The following ACADSB variants were observed in gnomAD, a reference collection of about 807,000 sequenced individuals.
ACADSB encodes acyl-CoA dehydrogenase short/branched chain.
A neutral mutation model predicts 54.1 loss-of-function variants in ACADSB; 40 were observed. That is an observed-to-expected ratio of 0.74 (90% confidence interval 0.57 to 0.96). The LOEUF is 0.96. Among genes scored for constraint, ACADSB ranks in the 40% least tolerant of loss-of-function variants. The pLI, the probability that ACADSB is intolerant of heterozygous loss-of-function variation, is 0.00. For synonymous variants in ACADSB, 182 were observed against 182.8 expected (o/e 1.00, Z 0.03); for missense variants, 530 against 510.4 (o/e 1.04, Z -0.37).
chr10:123,025,434 A>C (rs373257026), intron 1 of ACADSB, among the ~76,000 whole-genome samples: 26 of 152,054 alleles, frequency 1.7e-4, no homozygotes, highest in African/African-American at 6.0e-4. Flanking sequence ...ACTGCACTCC[A>C]GCCTGGGTGA....
rs556510972 is a variant in ACADSB at position 123,018,760 on chromosome 10, G to A, written c.42+9689G>A. ...GAGGAGCAAAGGCACGTCTTACATA[G>A]CAGCAGGCAAGAGAGAAGTGCAGGG... On this transcript the variant is annotated intron_variant, in intron 1 of 10. Coordinates refer to ENST00000358776, the MANE Select transcript of ACADSB (RefSeq NM_001609.4). Among the ~76,000 whole-genome samples the A allele has an allele frequency of 3.3e-5, 5 of 152,302 alleles. No homozygotes were observed. The South Asian group carries it at 1.0e-3, about 32-fold the overall frequency.
In ACADSB at chr10:123,057,458, A is replaced by G. The variant is rs1033494508; in HGVS notation, c.*3693A>G. 3 of 152,200 alleles carry G rather than the reference A, an allele frequency of 2.0e-5. No homozygotes were observed. Among genetic ancestry groups the G allele is most frequent in the African/African-American group, 7.2e-5 (3 of 41,444 alleles). 9.4% of individuals were successfully genotyped at this position (152,200 alleles called of 1,614,324 possible). On this transcript the variant is annotated 3_prime_UTR_variant, in exon 11 of 11. Coordinates refer to ENST00000358776, the MANE Select transcript of ACADSB (RefSeq NM_001609.4). ...TTCCTTTATAGCTTTTCTTCTGATA[A>G]CCATGACTTCAGGAGCTTTAAAACT...
rs1461383285 is a variant in ACADSB, at chr10:123,027,715, G to T, written c.43-6641G>T. 1.4e-5 allele frequency: 4 copies of T among 288,882 alleles called. No homozygotes were observed. The Admixed American group carries it at 1.7e-4, about 13-fold the overall frequency. 17.9% of individuals were successfully genotyped at this position (288,882 alleles called of 1,614,324 possible). A position where few individuals can be genotyped will look rare whatever the true frequency, so the allele number is the denominator to read the frequency against. On this transcript the variant is annotated intron_variant, in intron 1 of 10. Transcript: ENST00000358776. ...TGTTCCCATACAACGGGTGTGTATGGCCCCTTGGCAGATATCAATCCAGTG... is the reference window on the plus strand; with the variant it reads ...TGTTCCCATACAACGGGTGTGTATGTCCCCTTGGCAGATATCAATCCAGTG...
At chr10:123,024,337 G>T (rs932896622) in intron 1 of ACADSB, among the ~76,000 whole-genome samples, 5 of 152,218 alleles carry the variant, frequency 3.3e-5, no homozygotes, top group Non-Finnish European at 1.5e-5. Context: ...GACCATAGCC[G>T]GAAATGATAG....
rs148628913 is a variant in ACADSB, at chr10:123,027,383, G to A, written c.43-6973G>A. On this transcript the variant is annotated intron_variant, in intron 1 of 10. Coordinates refer to ENST00000358776, the MANE Select transcript of ACADSB (RefSeq NM_001609.4). ...TTGAATTGTATCTGCTAGAATTCTC[G>A]CATGTTGTGGGAGGGACACAGGGAA... Among the ~76,000 whole-genome samples the A allele has an allele frequency of 2.9e-3, 434 of 152,268 alleles. 1 individual carries two copies. Among genetic ancestry groups the A allele is most frequent in the African/African-American group, 0.01 (418 of 41,536 alleles).
At chr10:123,025,974 T>C (rs768240935) in intron 1 of ACADSB, among the ~76,000 whole-genome samples, 1 of 151,982 alleles carries the variant, frequency 6.6e-6, no homozygotes, top group East Asian at 1.9e-4. Flanking sequence ...ATCAGGAGAA[T>C]TGCTTGAACC....
chr10:123,031,545 G>C (rs556996498), intron 1 of ACADSB, among the ~76,000 whole-genome samples: 1 of 152,256 alleles, frequency 6.6e-6, no homozygotes, highest in African/African-American at 2.4e-5. Context: ...TGAAGGGCAG[G>C]GGACATTAGA....
In ACADSB at chr10:123,052,204, G is replaced by A. The variant is rs1017814810; in HGVS notation, c.1129-857G>A. Among the ~76,000 whole-genome samples the A allele has an allele frequency of 6.6e-6, 1 of 152,274 alleles. No individual in the cohort carries two copies. Among genetic ancestry groups the A allele is most frequent in the South Asian group, 2.1e-4 (1 of 4,828 alleles). ...CAAAAAGTCGGGGACCTAAAACAAC[G>A]CAGTTTCATTTTCTGTCACTTCTAG... On this transcript the variant is annotated intron_variant, in intron 9 of 10. Coordinates refer to ENST00000358776, the MANE Select transcript of ACADSB (RefSeq NM_001609.4). This position sits in a 1 kb window ranked among gnomAD's most constrained non-coding sequence, Gnocchi z 4.2.
At chr10:123,035,125 T>C (rs1564750233) in intron 2 of ACADSB, among the ~76,000 whole-genome samples, 1 of 152,016 alleles carries the variant, frequency 6.6e-6, no homozygotes, top group African/African-American at 2.4e-5. Context: ...AGTTTTTTTG[T>C]ATTTTGTTTT....
At chr10:123,026,186 C>T (rs1490178661) in intron 1 of ACADSB, among the ~76,000 whole-genome samples, 1 of 152,176 alleles carries the variant, frequency 6.6e-6, no homozygotes, top group East Asian at 1.9e-4. Context: ...CTCTGAAAAA[C>T]AGAACTAATA....
At chr10:123,045,957 A>C (rs1850556422) in intron 7 of ACADSB, among the ~76,000 whole-genome samples, 1 of 152,238 alleles carries the variant, frequency 6.6e-6, no homozygotes, top group Non-Finnish European at 1.5e-5. Context: ...CTGTCCTCGA[A>C]ACCTTGCAGG....
chr10:123,051,063 A>G lies in ACADSB; in HGVS notation c.1005A>G (p.Gln335=), dbSNP rs761554120. The G allele has an allele frequency of 6.2e-7, 1 of 1,612,412 alleles. No homozygotes were observed. Residue 335 remains glutamine, a synonymous_variant, in exon 9 of 11, where the codon CAA becomes CAG. Coordinates refer to ENST00000358776, the MANE Select transcript of ACADSB (RefSeq NM_001609.4). ...RLFDFQGLQH[Q]VAHVATQLEA... Reference sequence around the variant, plus strand: ...GACTGTTACAGGGCCTCCAACACCAAGTGGCTCACGTGGCCACCCAGCTGG... The same window carrying G: ...GACTGTTACAGGGCCTCCAACACCAGGTGGCTCACGTGGCCACCCAGCTGG...
At chr10:123,042,105 A>G (rs982944152) in intron 5 of ACADSB, among the ~76,000 whole-genome samples, 1 of 151,740 alleles carries the variant, frequency 6.6e-6, no homozygotes. Context: ...ATATGAGACT[A>G]CAGGTGTGCA....
intron 1 of ACADSB, among the ~76,000 whole-genome samples, chr10:123,023,154 CA>C (rs1426774312): frequency 2.0e-5 from 3 of 152,168 alleles, no homozygotes; most frequent in African/African-American, 4.8e-5. Context: ...AACAAACAAA[CA>C]AAAAGGCATG....
Position 123,051,072 on chromosome 10 carries a change from C to G in ACADSB, c.1014C>G (p.His338Gln), listed in dbSNP as rs57339164. The G allele has an allele frequency of 2.4e-5, 39 of 1,611,912 alleles. No individual in the cohort carries two copies. Among genetic ancestry groups the G allele is most frequent in the Non-Finnish European group, 3.1e-5 (36 of 1,179,764 alleles). ...AGGGCCTCCAACACCAAGTGGCTCA[C>G]GTGGCCACCCAGCTGGAAGCTGCAA... is the stretch of plus-strand genomic sequence containing the variant. Reference protein sequence around the residue: ...DFQGLQHQVAHVATQLEAARL... With the variant: ...DFQGLQHQVAQVATQLEAARL... The change falls in exon 9 of 11, where the codon CAC becomes CAG. Residue 338 changes from histidine to glutamine, a missense_variant. Coordinates refer to ENST00000358776, the MANE Select transcript of ACADSB (RefSeq NM_001609.4).
At chr10:123,031,527 G>A (rs1394498523) in intron 1 of ACADSB, among the ~76,000 whole-genome samples, 1 of 152,190 alleles carries the variant, frequency 6.6e-6, no homozygotes, top group Non-Finnish European at 1.5e-5. Context: ...AAAGGCTGAG[G>A]TCAACACTGA....
At chr10:123,034,609 G>A (rs979783029) in intron 2 of ACADSB, 94 bp downstream of exon 2, 37 of 1,390,166 alleles carry the variant, frequency 2.7e-5, no homozygotes, top group Admixed American at 3.4e-5. Flanking sequence ...CCACCTCTGG[G>A]CTCAAGCTAT....
chr10:123,053,790 C>T lies in ACADSB; in HGVS notation c.*25C>T, dbSNP rs1564755417. On this transcript the variant is annotated 3_prime_UTR_variant, in exon 11 of 11. Coordinates refer to ENST00000358776, the MANE Select transcript of ACADSB (RefSeq NM_001609.4). ...ACGTCTATAGGAGTGGGACCCCTCC[C>T]TGGTGTCACTGCTGTAAAATTTTAA... 6.3e-7 allele frequency: 1 copy of T among 1,589,864 alleles called. No individual in the cohort carries two copies. Among genetic ancestry groups the T allele is most frequent in the East Asian group, 2.2e-5 (1 of 44,764 alleles).
chr10:123,039,522 C>G (rs1319554177), intron 3 of ACADSB, among the ~76,000 whole-genome samples: 1 of 152,220 alleles, frequency 6.6e-6, no homozygotes, highest in Non-Finnish European at 1.5e-5. Context: ...TCGTGTTTAC[C>G]AGGCCCTCGT....
Sources: allele counts gnomAD v4.1 joint callset (sites outside exome capture counted in the v4.1 genomes callset), GRCh38; gene constraint gnomAD v4.1.1; non-coding constraint Gnocchi (gnomAD v3.1); transcripts MANE v1.5; gene names NCBI Gene and HGNC (gene_info 2026-07-23, HGNC 2026-07-21).